The following COL27A1 variants were observed in gnomAD, a reference collection of about 807,000 sequenced individuals.
COL27A1 encodes the protein collagen type XXVII alpha 1 chain, also known as collagen alpha-1(XXVII) chain.
COL27A1 carries 106 observed loss-of-function variants against 251.3 expected under a neutral mutation model. That is an observed-to-expected ratio of 0.42 (90% CI 0.36 to 0.50). The LOEUF is 0.50. Ranked by LOEUF, COL27A1 falls within the 20% of genes least tolerant of loss-of-function variation. The pLI is 0.00. For missense variants in COL27A1, 2,325 were observed against 2,522.8 expected, an observed-to-expected ratio of 0.92 and a Z score of 1.68; for synonymous variants, 1,000 against 986.3, an observed-to-expected ratio of 1.01 and a Z score of -0.26.
intron 12 of COL27A1, chr9:114,217,684 T>A: frequency 2.3e-6 from 1 of 440,152 alleles, no homozygotes; most frequent in Non-Finnish European, 4.7e-6. Flanking sequence ...ACAAGTTCTG[T>A]CCCTTGTAGG....
intron 27 of COL27A1, 44 bp from the exon 28 acceptor site, chr9:114,258,497 C>T (rs111819240): frequency 1.3e-6 from 2 of 1,584,958 alleles, no homozygotes; most frequent in Middle Eastern, 1.7e-4. Flanking sequence ...GTTGCTCTCA[C>T]TTCCTAAAAA....
intron 49 of COL27A1, among the ~76,000 whole-genome samples, chr9:114,298,713 CA>C (rs1239026765): frequency 1.3e-5 from 2 of 152,132 alleles, no homozygotes; most frequent in African/African-American, 4.8e-5. Flanking sequence ...CATAAAAACA[CA>C]TTTTTATAAC....
intron 59 of COL27A1, among the ~76,000 whole-genome samples, chr9:114,309,045 G>A (rs2131697823): frequency 6.6e-6 from 1 of 152,296 alleles, no homozygotes. Context: ...GAGTCAGGCA[G>A]GCCCTTCCCA....
At chr9:114,284,904 C>G in intron 41 of COL27A1, 127 bp downstream of exon 41, 1 of 992,788 alleles carries the variant, frequency 1.0e-6, no homozygotes, top group Non-Finnish European at 1.6e-6. Flanking sequence ...TCACCCCCTG[C>G]AGCAGCCGAG....
chr9:114,219,899 A>G, intron 13 of COL27A1, 55 bp downstream of exon 13: 1 of 1,318,904 alleles, frequency 7.6e-7, no homozygotes, highest in Non-Finnish European at 1.1e-6. Context: ...AACACACAGC[A>G]GATTTTAGGA....
intron 6 of COL27A1, among the ~76,000 whole-genome samples, chr9:114,194,725 C>G (rs547933820): frequency 3.9e-5 from 6 of 152,226 alleles, no homozygotes; most frequent in Admixed American, 1.3e-4. Context: ...TATGGACACA[C>G]GCTTGGTGAA....
chr9:114,290,996 G>C lies in COL27A1; in HGVS notation c.4476+79G>C, dbSNP rs1827872604. 9.9e-7 allele frequency: 1 copy of C among 1,014,344 alleles called. No homozygotes were observed. The highest frequency in any genetic ancestry group is 1.4e-6 in the Non-Finnish European group (1 of 690,838). 62.8% of individuals were successfully genotyped at this position (1,014,344 alleles called of 1,614,324 possible). Reference sequence around the variant, plus strand: ...AGACTCTAGTGGTTCCGACCCTTTGGGCACCCATGTCCCAGGGCCTGTGTG... The same window carrying C: ...AGACTCTAGTGGTTCCGACCCTTTGCGCACCCATGTCCCAGGGCCTGTGTG... On this transcript the variant is annotated intron_variant, in intron 48 of 60. Transcript: ENST00000356083. The surrounding 1 kb of genome is among the most constrained non-coding windows in gnomAD (Gnocchi z 4.6).
intron 5 of COL27A1, among the ~76,000 whole-genome samples, chr9:114,189,033 T>A (rs796719319): frequency 6.6e-6 from 1 of 152,210 alleles, no homozygotes; most frequent in Admixed American, 6.5e-5. Context: ...CAAATAGAAA[T>A]GTTATCCTTT....
chr9:114,264,272 C>A lies in COL27A1; in HGVS notation c.3196-83C>A. On this transcript the variant is annotated intron_variant, in intron 28 of 60. Transcript: ENST00000356083. ...AGCTTGTGCAGGGGAAGGCCCCAGG[C>A]TTGGAGCAGCCCCGCCCTCCTGGTT... is the stretch of plus-strand genomic sequence containing the variant. 4 of 1,134,704 alleles carry A rather than the reference C, an allele frequency of 3.5e-6. No homozygotes were observed. The South Asian group carries it at 5.3e-5, about 15-fold the overall frequency. 70.3% of individuals were successfully genotyped at this position (1,134,704 alleles called of 1,614,324 possible).
intron 23 of COL27A1, among the ~76,000 whole-genome samples, chr9:114,244,001 C>G (rs955614120): frequency 2.0e-5 from 3 of 149,690 alleles, no homozygotes; most frequent in Non-Finnish European, 4.4e-5. Flanking sequence ...TCTCAGCTCA[C>G]TGCAACCTCT....
intron 44 of COL27A1, 72 bp downstream of exon 44, chr9:114,289,039 A>G: frequency 6.4e-7 from 1 of 1,569,938 alleles, no homozygotes; most frequent in Admixed American, 1.7e-5. Flanking sequence ...TTAAAGAACT[A>G]GGCCCTTTAA....
At chr9:114,264,650 G>A (rs528024580) in intron 29 of COL27A1, among the ~76,000 whole-genome samples, 20 of 151,972 alleles carry the variant, frequency 1.3e-4, no homozygotes, top group African/African-American at 4.4e-4. Context: ...CCCTTTCCCC[G>A]GACCCCAAAC....
chr9:114,255,229 A>G (rs1477470636), intron 27 of COL27A1, among the ~76,000 whole-genome samples: 19 of 152,116 alleles, frequency 1.2e-4, no homozygotes, highest in Non-Finnish European at 2.6e-4. Context: ...GGGTCAGAGG[A>G]CCAGCATTCT....
At chr9:114,292,320 G>T in intron 49 of COL27A1, 110 bp downstream of exon 49, 1 of 864,762 alleles carries the variant, frequency 1.2e-6, no homozygotes, top group South Asian at 1.5e-5. Flanking sequence ...CAAACACACT[G>T]ACCCAGAAGC....
rs202138098 is a variant in COL27A1, at chr9:114,270,719, C to G, written c.3556-9C>G. ...ACATCTCCTCCTCTTTCTCCATCAC[C>G]TTTTCCAGGGAGAGCCAGGCCTTGA... is the stretch of plus-strand genomic sequence containing the variant. On this transcript the variant is annotated splice_polypyrimidine_tract_variant and intron_variant, in intron 35 of 60. Coordinates refer to ENST00000356083, the MANE Select transcript of COL27A1 (RefSeq NM_032888.4). The G allele has an allele frequency of 6.2e-7, 1 of 1,608,106 alleles. No individual in the cohort carries two copies. The highest frequency in any genetic ancestry group is 8.5e-7 in the Non-Finnish European group (1 of 1,175,852).
At chr9:114,276,974 C>T (rs760375431) in intron 37 of COL27A1, among the ~76,000 whole-genome samples, 18 of 152,208 alleles carry the variant, frequency 1.2e-4, no homozygotes, top group Non-Finnish European at 2.2e-4. Context: ...CCCAGGCTCA[C>T]ACAGTGAGAA....
intron 23 of COL27A1, among the ~76,000 whole-genome samples, chr9:114,245,148 G>GTTTTTTT (rs779029948): frequency 3.9e-5 from 4 of 101,332 alleles, no homozygotes; most frequent in Admixed American, 1.1e-4. Context: ...GTGCATTCTT[G>GTTTTTTT]TTTTTTTTTT....
rs181897236 is a variant in COL27A1 at position 114,214,444 on chromosome 9, A to G, written c.2367+3418A>G. 1.4e-3 allele frequency among the ~76,000 whole-genome samples: 211 copies of G among 152,308 alleles called. 2 individuals are homozygous for G. The highest frequency in any genetic ancestry group is 4.9e-3 in the African/African-American group (205 of 41,566). ...TTGGGCCCGTGCATGCGGCCTCCTCAGTATCCAGTTTGGAAGGGTGATGTG... is the reference window on the plus strand; with the variant it reads ...TTGGGCCCGTGCATGCGGCCTCCTCGGTATCCAGTTTGGAAGGGTGATGTG... On this transcript the variant is annotated intron_variant, in intron 12 of 60. Transcript: ENST00000356083.
At chr9:114,215,098 G>A (rs1192924511) in intron 12 of COL27A1, among the ~76,000 whole-genome samples, 3 of 152,376 alleles carry the variant, frequency 2.0e-5, no homozygotes, top group South Asian at 4.1e-4. Context: ...CATGCAGTGA[G>A]TCCGGAGGGA....
Sources: gnomAD v4.1 joint callset for allele counts (sites outside exome capture counted in the v4.1 genomes callset) on GRCh38, gnomAD v4.1.1 for gene constraint, Gnocchi (gnomAD v3.1) non-coding constraint, MANE v1.5 for transcripts, NCBI Gene and HGNC (gene_info 2026-07-23, HGNC 2026-07-21) for gene names.